The following COL19A1 variants were observed in gnomAD, a reference collection of about 807,000 sequenced individuals.
COL19A1 encodes the protein collagen alpha-1(XIX) chain.
In COL19A1, 159 loss-of-function variants were observed where a neutral mutation model predicts 190.2. That is an observed-to-expected ratio of 0.84 (90% confidence interval 0.73 to 0.95). COL19A1 has a LOEUF of 0.95. Among genes scored for constraint, COL19A1 ranks in the 40% least tolerant of loss-of-function variants. COL19A1 has a pLI of 0.00. For missense variants in COL19A1, 1,418 were observed against 1,431.9 expected, an observed-to-expected ratio of 0.99 and a Z score of 0.16; for synonymous variants, 509 against 458.9, an observed-to-expected ratio of 1.11 and a Z score of -1.39.
intron 11 of COL19A1, among the ~76,000 whole-genome samples, chr6:69,977,084 A>G (rs1414537392): frequency 2.0e-5 from 3 of 152,198 alleles, no homozygotes; most frequent in Non-Finnish European, 4.4e-5. Context: ...AAGGATTATA[A>G]ATCATGCTGC....
chr6:69,974,289 G>A (rs761640865), intron 11 of COL19A1: 1 of 152,260 alleles, frequency 6.6e-6, no homozygotes, highest in South Asian at 2.1e-4. Context: ...AGGCAAAATG[G>A]TAAAGCGATA....
At chr6:69,998,305 T>C (rs750879313) in intron 11 of COL19A1, among the ~76,000 whole-genome samples, 2 of 152,040 alleles carry the variant, frequency 1.3e-5, no homozygotes, top group African/African-American at 4.8e-5. Context: ...ATTTTCCCCT[T>C]TCCCCACAAT....
At chr6:69,929,387 A>AT in intron 5 of COL19A1, 38 bp from the exon 6 acceptor site, 1 of 1,581,138 alleles carries the variant, frequency 6.3e-7, no homozygotes, top group Non-Finnish European at 8.6e-7. Context: ...TTGAACATTG[A>AT]TTTTTAAAAC....
intron 17 of COL19A1, among the ~76,000 whole-genome samples, chr6:70,126,902 T>C (rs575898835): frequency 6.6e-6 from 1 of 152,356 alleles, no homozygotes; most frequent in African/African-American, 2.4e-5. Flanking sequence ...TCTGTATATT[T>C]TGTTGTCTAA....
At chr6:69,891,374 A>G (rs766557300) in intron 2 of COL19A1, among the ~76,000 whole-genome samples, 1 of 152,176 alleles carries the variant, frequency 6.6e-6, no homozygotes, top group African/African-American at 2.4e-5. Flanking sequence ...ACAATTACCT[A>G]TCAGTGAAGA....
chr6:70,070,982 A>G (rs1449456811), intron 15 of COL19A1, among the ~76,000 whole-genome samples: 1 of 152,140 alleles, frequency 6.6e-6, no homozygotes, highest in Admixed American at 6.6e-5. Context: ...GGCTATTTAA[A>G]TGAAACATAA....
intron 1 of COL19A1, among the ~76,000 whole-genome samples, chr6:69,869,230 G>A (rs1042430755): frequency 1.3e-5 from 2 of 152,204 alleles, no homozygotes; most frequent in African/African-American, 4.8e-5. Context: ...TGCCTGGTAA[G>A]ACAGAAAATC....
intron 11 of COL19A1, among the ~76,000 whole-genome samples, chr6:70,002,113 T>C (rs537452484): frequency 7.2e-5 from 11 of 152,330 alleles, no homozygotes; most frequent in Non-Finnish European, 1.2e-4. Context: ...TCTGCATATA[T>C]AGAGATAATC....
intron 11 of COL19A1, among the ~76,000 whole-genome samples, chr6:69,966,801 A>G (rs1357174302): frequency 6.6e-6 from 1 of 151,848 alleles, no homozygotes; most frequent in Non-Finnish European, 1.5e-5. Flanking sequence ...AAAAAGAAAA[A>G]GGCCATTTAG....
At chr6:70,137,430 A>T (rs1462354697) in intron 18 of COL19A1, among the ~76,000 whole-genome samples, 1 of 152,204 alleles carries the variant, frequency 6.6e-6, no homozygotes, top group Non-Finnish European at 1.5e-5. Flanking sequence ...AAAATAATTA[A>T]CTTTGTTTCA....
At chr6:69,996,392 C>G (rs1281574289) in intron 11 of COL19A1, among the ~76,000 whole-genome samples, 4 of 151,970 alleles carry the variant, frequency 2.6e-5, no homozygotes, top group Non-Finnish European at 5.9e-5. Context: ...TTTTCTTAGC[C>G]TTATATTTGA....
At chr6:70,099,906 TC>T (rs1783519136) in intron 15 of COL19A1, among the ~76,000 whole-genome samples, 3 of 152,234 alleles carry the variant, frequency 2.0e-5, no homozygotes. Context: ...CTGGCTGAAA[TC>T]AGCAGTGAAG....
At chr6:70,176,988 C>G (rs550352653) in intron 42 of COL19A1, among the ~76,000 whole-genome samples, 112 of 152,254 alleles carry the variant, frequency 7.4e-4, no homozygotes, top group African/African-American at 2.5e-3. Context: ...TTCCTTAGCC[C>G]AGTGTTATTA....
At chr6:70,010,385 G>T (rs992298200) in intron 11 of COL19A1, among the ~76,000 whole-genome samples, 10 of 127,840 alleles carry the variant, frequency 7.8e-5, no homozygotes, top group East Asian at 3.3e-4. Context: ...GAACAGCTCC[G>T]GTCTACAGCT....
chr6:69,975,700 T>C (rs1289572040), intron 11 of COL19A1, among the ~76,000 whole-genome samples: 1 of 152,232 alleles, frequency 6.6e-6, no homozygotes, highest in Non-Finnish European at 1.5e-5. Context: ...TAGACATGAA[T>C]TCTAGGTCCT....
intron 9 of COL19A1, among the ~76,000 whole-genome samples, chr6:69,942,483 A>C (rs1773533688): frequency 6.6e-6 from 1 of 152,120 alleles, no homozygotes; most frequent in African/African-American, 2.4e-5. Flanking sequence ...TATTCTTTAT[A>C]GCTGTAATTT....
rs144276448 is a variant in COL19A1 at position 70,197,209 on chromosome 6, A to G, written c.3095-2399A>G. 5.7e-4 allele frequency among the ~76,000 whole-genome samples: 86 copies of G among 152,046 alleles called. 2 individuals carry two copies. The East Asian group carries it at 0.015, about 26-fold the overall frequency. On this transcript the variant is annotated intron_variant, in intron 48 of 50. Transcript: ENST00000620364. ...GCTGAGGTGGGTGGATCACGAGGTC[A>G]GGAGATCGAGACCATTCTGGCTGAC...
intron 11 of COL19A1, among the ~76,000 whole-genome samples, chr6:70,008,094 G>A (rs1169378657): frequency 6.6e-6 from 1 of 151,828 alleles, no homozygotes; most frequent in East Asian, 1.9e-4. Flanking sequence ...AAAATTGAAT[G>A]TTAATAATCT....
intron 4 of COL19A1, among the ~76,000 whole-genome samples, chr6:69,907,107 AT>A (rs56927758): frequency 0.088 from 11,281 of 128,556 alleles, 346 homozygotes; most frequent in Admixed American, 0.13. Context: ...TATTATTATT[AT>A]TTTTTTTTTT....
Sources: allele counts gnomAD v4.1 joint callset (sites outside exome capture counted in the v4.1 genomes callset), GRCh38; gene constraint gnomAD v4.1.1; transcripts MANE v1.5; gene names NCBI Gene and HGNC (gene_info 2026-07-23, HGNC 2026-07-21).